Variants in CALD1 observed in about 807,000 individuals in gnomAD.
The protein encoded by CALD1 is caldesmon.
A neutral mutation model predicts 99.9 loss-of-function variants in CALD1; 33 were observed. The observed-to-expected ratio is 0.33, with a 90% CI of 0.25 to 0.44. CALD1 has a LOEUF of 0.44. Ranked by LOEUF, CALD1 falls within the 20% of genes least tolerant of loss-of-function variation. The pLI is 1.00. For missense variants in CALD1, 861 were observed against 962.1 expected, an observed-to-expected ratio of 0.89 and a Z score of 1.39; for synonymous variants, 310 against 325.0, an observed-to-expected ratio of 0.95 and a Z score of 0.50.
intron 3 of CALD1, among the ~76,000 whole-genome samples, chr7:134,889,376 C>A (rs1374097210): frequency 2.0e-5 from 3 of 152,186 alleles, no homozygotes; most frequent in East Asian, 3.8e-4. Context: ...GCTCCTCTAA[C>A]CACAGCTGGA....
chr7:134,863,367 G>A (rs1290286843), intron 2 of CALD1, among the ~76,000 whole-genome samples: 1 of 152,228 alleles, frequency 6.6e-6, no homozygotes, highest in Non-Finnish European at 1.5e-5. Context: ...TGACACAACA[G>A]ATTTTATTCT....
intron 2 of CALD1, among the ~76,000 whole-genome samples, chr7:134,846,503 C>T (rs779592209): frequency 1.3e-5 from 2 of 152,212 alleles, no homozygotes; most frequent in Non-Finnish European, 2.9e-5. Flanking sequence ...GGCTGAATTT[C>T]CCTAATTTGC....
At chr7:134,805,468 T>C (rs964759756) in intron 1 of CALD1, among the ~76,000 whole-genome samples, 17 of 152,200 alleles carry the variant, frequency 1.1e-4, no homozygotes, top group Admixed American at 2.0e-4. Flanking sequence ...CTTTCATAGA[T>C]ACAGTAGTTC....
intron 3 of CALD1, among the ~76,000 whole-genome samples, chr7:134,890,075 A>C (rs2132494181): frequency 6.6e-6 from 1 of 152,014 alleles, no homozygotes; most frequent in South Asian, 2.1e-4. Flanking sequence ...AGCCCGGGTA[A>C]TTTTTGTATT....
At chr7:134,738,024 C>T in the CALD1 span, among the ~76,000 whole-genome samples, 2 of 152,146 alleles carry the variant, frequency 1.3e-5, no homozygotes, top group Non-Finnish European at 2.9e-5. Flanking sequence ...CTGTGTCATC[C>T]TGCTATGCTG....
intron 3 of CALD1, among the ~76,000 whole-genome samples, chr7:134,890,615 T>C (rs548433114): frequency 6.6e-6 from 1 of 152,278 alleles, no homozygotes; most frequent in East Asian, 1.9e-4. Flanking sequence ...AAGAACCATA[T>C]TCATAAGTCA....
intron 1 of CALD1, among the ~76,000 whole-genome samples, chr7:134,824,562 T>C (rs1389346197): frequency 6.6e-6 from 1 of 152,164 alleles, no homozygotes; most frequent in East Asian, 1.9e-4. Flanking sequence ...TAGCTTCAAC[T>C]CTTCCACCTC....
chr7:134,727,568 TA>T, the CALD1 span, among the ~76,000 whole-genome samples: 2 of 152,228 alleles, frequency 1.3e-5, no homozygotes, highest in Non-Finnish European at 2.9e-5. Flanking sequence ...TTTTAAAAAG[TA>T]GCTTGAACAG....
chr7:134,729,584 G>A, the CALD1 span, among the ~76,000 whole-genome samples: 2 of 152,224 alleles, frequency 1.3e-5, no homozygotes, highest in Admixed American at 6.5e-5. Context: ...TTGAAGGGCC[G>A]TACAGTGCAA....
At chr7:134,922,057 T>C (rs1016469946) in intron 3 of CALD1, among the ~76,000 whole-genome samples, 78 of 152,214 alleles carry the variant, frequency 5.1e-4, no homozygotes, top group African/African-American at 1.8e-3. Context: ...ATTTTTTACA[T>C]GGCAAAATAA....
At chr7:134,924,513 G>T (rs778109135) in intron 3 of CALD1, among the ~76,000 whole-genome samples, 1 of 151,922 alleles carries the variant, frequency 6.6e-6, no homozygotes, top group Non-Finnish European at 1.5e-5. Context: ...CAGAGTTGAA[G>T]AATTTTCACC....
At chr7:134,746,618 TG>T (rs35970710) in intron 1 of CALD1, among the ~76,000 whole-genome samples, 85,606 of 151,826 alleles carry the variant, frequency 0.56, 25,436 homozygotes, top group East Asian at 0.86. Context: ...GCAATACTGC[TG>T]GAGGGCCCAG....
At chr7:134,749,684 A>AGAT (rs1162213299) in intron 1 of CALD1, among the ~76,000 whole-genome samples, 8 of 152,182 alleles carry the variant, frequency 5.3e-5, no homozygotes, top group African/African-American at 1.9e-4. Context: ...TGTAAGGTCA[A>AGAT]GATGCACCTG....
intron 1 of CALD1, among the ~76,000 whole-genome samples, chr7:134,838,319 C>T (rs950390404): frequency 3.9e-5 from 6 of 152,030 alleles, no homozygotes; most frequent in African/African-American, 7.2e-5. Context: ...TGAATTTGTT[C>T]AAGATACATA....
chr7:134,914,475 GT>G (rs1219871336), intron 3 of CALD1, among the ~76,000 whole-genome samples: 1 of 152,174 alleles, frequency 6.6e-6, no homozygotes, highest in Admixed American at 6.5e-5. Flanking sequence ...TAGAAAATGT[GT>G]GCTGCCCTTC....
intron 1 of CALD1, among the ~76,000 whole-genome samples, chr7:134,799,161 T>G (rs984653847): frequency 3.3e-5 from 5 of 152,190 alleles, no homozygotes; most frequent in African/African-American, 1.2e-4. Context: ...ATCAATAAAG[T>G]TGAAAATATA....
intron 1 of CALD1, among the ~76,000 whole-genome samples, chr7:134,834,256 A>G (rs1342028205): frequency 6.6e-6 from 1 of 152,222 alleles, no homozygotes; most frequent in Admixed American, 6.5e-5. Context: ...CTGTGTGATT[A>G]CTGCAAAGAC....
At chr7:134,722,704 A>T in the CALD1 span, among the ~76,000 whole-genome samples, 2 of 152,158 alleles carry the variant, frequency 1.3e-5, no homozygotes, top group Non-Finnish European at 2.9e-5. Flanking sequence ...ACAGGTGTGA[A>T]CCACCGTGCC....
intron 3 of CALD1, among the ~76,000 whole-genome samples, chr7:134,896,098 C>T (rs1022463655): frequency 2.6e-5 from 4 of 152,290 alleles, no homozygotes; most frequent in East Asian, 1.9e-4. Flanking sequence ...AATAGCCAGT[C>T]GGAACTGGCT....
Sources: allele counts gnomAD v4.1 joint callset (sites outside exome capture counted in the v4.1 genomes callset), GRCh38; gene constraint gnomAD v4.1.1; transcripts MANE v1.5; gene names NCBI Gene and HGNC (gene_info 2026-07-23, HGNC 2026-07-21).